The following NEB variants were observed in gnomAD, a reference collection of about 807,000 sequenced individuals.
The protein encoded by NEB is nemaline myopathy type 2.
A neutral mutation model predicts 952.2 loss-of-function variants in NEB; 512 were observed. The observed-to-expected ratio is 0.54, with a 90% CI of 0.50 to 0.58. The LOEUF (loss-of-function observed/expected upper bound fraction) is 0.58, where lower values mean the gene tolerates loss of function less well. Among genes scored for constraint, NEB ranks in the 20% least tolerant of loss-of-function variants. The probability of loss-of-function intolerance (pLI) is 0.00; values close to 1 mark genes in which losing one functional copy is unlikely to be tolerated. For synonymous variants in NEB, 2,900 were observed against 3,149.8 expected (o/e 0.92, Z 2.66); for missense variants, 8,428 against 9,231.1 (o/e 0.91, Z 3.56).
At chr2:151,525,909 C>T (rs1194880282) in intron 150 of NEB, 49 bp downstream of exon 150, 2 of 1,400,396 alleles carry the variant, frequency 1.4e-6, no homozygotes, top group Non-Finnish European at 2.0e-6. Context: ...CCAGATTCTA[C>T]AGTCAAGTGG....
In NEB at chr2:151,537,184, T is replaced by A. The variant is rs755165133; in HGVS notation, c.21155A>T (p.Tyr7052Phe). The A allele has an allele frequency of 6.2e-7, 1 of 1,613,206 alleles. No homozygotes were observed. The highest frequency in any genetic ancestry group is 2.2e-5 in the East Asian group (1 of 44,794). ...AGCCAGAGTGAAATCAGGGGTATCATAGGCATAGCAACCAATGCCTTTAAG... is the reference window on the plus strand; with the variant it reads ...AGCCAGAGTGAAATCAGGGGTATCAAAGGCATAGCAACCAATGCCTTTAAG... ...TWLKGIGCYAYDTPDFTLAEK... is the reference protein window; with the variant it reads ...TWLKGIGCYAFDTPDFTLAEK... Residue 7052 changes from tyrosine to phenylalanine, a missense_variant, in exon 141 of 182, where the codon TAT becomes TTT. Transcript: ENST00000397345.
At chr2:151,561,764 C>T (rs1379767025) in intron 121 of NEB, among the ~76,000 whole-genome samples, 1 of 152,032 alleles carries the variant, frequency 6.6e-6, no homozygotes, top group Non-Finnish European at 1.5e-5. Context: ...CTTTTTCCTC[C>T]AAAACTTATC....
At chr2:151,620,345 GTGTATATATATATATATATATATATA>G (rs1469281779) in intron 72 of NEB, among the ~76,000 whole-genome samples, 12 of 87,932 alleles carry the variant, frequency 1.4e-4, no homozygotes, top group Admixed American at 7.0e-4. Context: ...ATGTATGTGT[GTGTATATATATATATATATATATATA>G]TATATATATA....
rs2054722058 is a variant in NEB, at chr2:151,489,871, G to A, written c.25404+100C>T. The A allele has an allele frequency of 1.0e-5, 8 of 794,306 alleles. No homozygotes were observed. The South Asian group carries it at 1.6e-4, about 15-fold the overall frequency. 49.2% of individuals were successfully genotyped at this position (794,306 alleles called of 1,614,324 possible). Reference sequence around the variant, plus strand: ...TAAAAGAGCATTATATAAAATAGAAGGTTTGGTTAAAAAAAACCGTAATAC... The same window carrying A: ...TAAAAGAGCATTATATAAAATAGAAAGTTTGGTTAAAAAAAACCGTAATAC... On this transcript the variant is annotated intron_variant, in intron 181 of 181. Coordinates refer to ENST00000397345, the MANE Select transcript of NEB (RefSeq NM_001164508.2).
chr2:151,618,169 G>T, intron 74 of NEB, 106 bp downstream of exon 74: 1 of 978,682 alleles, frequency 1.0e-6, no homozygotes, highest in Non-Finnish European at 1.6e-6. Context: ...CATTTAAGAA[G>T]GTATCATAAT....
In NEB at chr2:151,501,396, T is replaced by TAA. The variant is rs1553568357; in HGVS notation, c.24014_24015dup (p.Ser8006LeufsTer140). Reference sequence around the variant, plus strand: ...AAGAGCTTTCTCCCAAATACCGAGCTAAAGTTTTCTTGATTGAGTTTGACT... The same window carrying TAA: ...AAGAGCTTTCTCCCAAATACCGAGCTAAAAAGTTTTCTTGATTGAGTTTGACT... On this transcript the variant is annotated frameshift_variant, in exon 168 of 182. Coordinates refer to ENST00000397345, the MANE Select transcript of NEB (RefSeq NM_001164508.2). LOFTEE classifies it high-confidence loss of function. The TAA allele has an allele frequency of 3.9e-6, 6 of 1,547,340 alleles. No homozygotes were observed. The highest frequency in any genetic ancestry group is 3.5e-6 in the Non-Finnish European group (4 of 1,143,530).
chr2:151,498,821 A>C (rs2062193592), intron 169 of NEB, among the ~76,000 whole-genome samples: 1 of 151,984 alleles, frequency 6.6e-6, no homozygotes, highest in Non-Finnish European at 1.5e-5. Context: ...CAGAGTATTT[A>C]ATTTTTAGTT....
Position 151,641,324 on chromosome 2 carries a change from T to TTTTTG in NEB, c.8374-663_8374-659dup, listed in dbSNP as rs543983879. 4.9e-4 allele frequency among the ~76,000 whole-genome samples: 75 copies of TTTTTG among 152,266 alleles called. 1 individual carries two copies. In the South Asian group the frequency reaches 9.1e-3, roughly 19 times the overall value. Reference sequence around the variant, plus strand: ...ATAGTCTTTGCACACATGACTGTTTTTTTTGTTTTGTTTTGTTTTGTATTT... The same window carrying TTTTTG: ...ATAGTCTTTGCACACATGACTGTTTTTTTTGTTTTGTTTTGTTTTGTTTTGTATTT... On this transcript the variant is annotated intron_variant, in intron 60 of 181. Coordinates refer to ENST00000397345, the MANE Select transcript of NEB (RefSeq NM_001164508.2).
chr2:151,561,116 CA>C lies in NEB; in HGVS notation c.19102-9del, dbSNP rs2096012068. On this transcript the variant is annotated splice_polypyrimidine_tract_variant and intron_variant, in intron 122 of 181. Transcript: ENST00000397345. ...ATTTTCTTTATATTTTACCTGTAGACAAGCAACAATAGGTTATTCACCTCTG... is the reference window on the plus strand; with the variant it reads ...ATTTTCTTTATATTTTACCTGTAGACAGCAACAATAGGTTATTCACCTCTG... 6.4e-7 allele frequency: 1 copy of C among 1,567,132 alleles called. No individual in the cohort carries two copies. Among genetic ancestry groups the C allele is most frequent in the Non-Finnish European group, 8.7e-7 (1 of 1,144,078 alleles).
intron 13 of NEB, among the ~76,000 whole-genome samples, chr2:151,705,467 C>G (rs1284306024): frequency 6.6e-6 from 1 of 152,136 alleles, no homozygotes; most frequent in Non-Finnish European, 1.5e-5. Flanking sequence ...TGCTTTTACA[C>G]TATGGGTGGG....
intron 150 of NEB, 78 bp downstream of exon 150, chr2:151,525,880 G>A (rs1470802999): frequency 8.9e-7 from 1 of 1,122,760 alleles, no homozygotes. Context: ...GGAAGCAAAA[G>A]GCAACTGACA....
Position 151,724,280 on chromosome 2 carries a change from TC to T in NEB, c.591del (p.Asn198ThrfsTer30). On this transcript the variant is annotated frameshift_variant, in exon 8 of 182. Coordinates refer to ENST00000397345, the MANE Select transcript of NEB (RefSeq NM_001164508.2). LOFTEE classifies it high-confidence loss of function. ...CTTACCTTGCTGAACATGGCGGTGT[TC>T]TTAACGGCCTGGACAAGTTCAGGGG... is the stretch of plus-strand genomic sequence containing the variant. ...PDAPELVQAV[K>X]NTAMFSKKLY... 1 of 1,612,796 alleles carries T rather than the reference TC, an allele frequency of 6.2e-7. No homozygotes were observed. The highest frequency in any genetic ancestry group is 8.5e-7 in the Non-Finnish European group (1 of 1,179,306).
intron 65 of NEB, among the ~76,000 whole-genome samples, chr2:151,631,897 C>A (rs569538550): frequency 6.6e-6 from 1 of 152,080 alleles, no homozygotes; most frequent in Non-Finnish European, 1.5e-5. Flanking sequence ...TTATTCCCTG[C>A]GATGTATTCT....
At chr2:151,620,345 G>GTATATATATATATATATA (rs775274994) in intron 72 of NEB, among the ~76,000 whole-genome samples, 2 of 87,896 alleles carry the variant, frequency 2.3e-5, no homozygotes, top group Non-Finnish European at 4.3e-5. Flanking sequence ...ATGTATGTGT[G>GTATATATATATATATATA]TGTATATATA....
At position 151,493,451 on chromosome 2, in the gene NEB, G is replaced by A. The variant is rs2152852833; in HGVS notation, c.24673-6C>T. 1 of 1,557,796 alleles carries A rather than the reference G, an allele frequency of 6.4e-7. No homozygotes were observed. Among genetic ancestry groups the A allele is most frequent in the Non-Finnish European group, 8.7e-7 (1 of 1,149,404 alleles). On this transcript the variant is annotated splice_polypyrimidine_tract_variant and splice_region_variant and intron_variant, in intron 175 of 181. Transcript: ENST00000397345. ...ATGTTCTCTTTGTACAATACCTAGG[G>A]AAGCCAAAAGAGCATCTAGGCATCA...
At chr2:151,494,373 G>C (rs2058693589) in intron 173 of NEB, 120 bp from the exon 174 acceptor site, 1 of 689,572 alleles carries the variant, frequency 1.5e-6, no homozygotes, top group Non-Finnish European at 2.5e-6. Flanking sequence ...TGGGCAATTA[G>C]GTTAGATGGA....
At chr2:151,682,860 G>T (rs1365233714) in intron 28 of NEB, 91 bp from the exon 29 acceptor site, 26 of 1,125,724 alleles carry the variant, frequency 2.3e-5, no homozygotes, top group Non-Finnish European at 3.1e-5. Context: ...ATGTTTTTGA[G>T]ATTTCTGACC....
At chr2:151,491,836 C>G in intron 178 of NEB, 61 bp from the exon 179 acceptor site, 1 of 1,350,252 alleles carries the variant, frequency 7.4e-7, no homozygotes, top group Non-Finnish European at 1.0e-6. Context: ...ACTTGAAAAC[C>G]AAGGCATGAA....
chr2:151,687,867 A>G lies in NEB; in HGVS notation c.2416-134T>C, dbSNP rs1007212640. On this transcript the variant is annotated intron_variant, in intron 25 of 181. Transcript: ENST00000397345. ...AAAACTATATTTATCAAATTGTAGT[A>G]TAAGTATTGATTTATCTATCATCCA... 8.1e-5 allele frequency: 68 copies of G among 842,062 alleles called. 1 individual carries two copies. The Middle Eastern group carries it at 1.0e-3, about 13-fold the overall frequency. 52.2% of individuals were successfully genotyped at this position (842,062 alleles called of 1,614,324 possible).
Sources: allele counts gnomAD v4.1 joint callset (sites outside exome capture counted in the v4.1 genomes callset), GRCh38; gene constraint gnomAD v4.1.1; transcripts MANE v1.5; gene names NCBI Gene and HGNC (gene_info 2026-07-23, HGNC 2026-07-21).